The following LRMDA variants were observed in gnomAD, a reference collection of about 807,000 sequenced individuals.
LRMDA encodes leucine-rich melanocyte differentiation-associated protein.
A neutral mutation model predicts 29.8 loss-of-function variants in LRMDA; 18 were observed. That is an observed-to-expected ratio of 0.60 (90% CI 0.42 to 0.90). The LOEUF (loss-of-function observed/expected upper bound fraction) is 0.90. Ranked by LOEUF, LRMDA falls within the 40% of genes least tolerant of loss-of-function variation. The probability of loss-of-function intolerance (pLI) is 0.00; values close to 1 mark genes in which losing one functional copy is unlikely to be tolerated. For missense variants in LRMDA, 273 were observed against 273.9 expected, an observed-to-expected ratio of 1.00 and a Z score of 0.02; for synonymous variants, 125 against 109.4, an observed-to-expected ratio of 1.14 and a Z score of -0.89.
intron 6 of LRMDA, among the ~76,000 whole-genome samples, chr10:76,443,229 C>A (rs1842321623): frequency 6.6e-6 from 1 of 152,142 alleles, no homozygotes; most frequent in African/African-American, 2.4e-5. Flanking sequence ...CCAACATGAA[C>A]ATATTTGTTT....
intron 2 of LRMDA, among the ~76,000 whole-genome samples, chr10:75,836,128 G>A (rs1844431912): frequency 6.6e-6 from 1 of 152,166 alleles, no homozygotes. Flanking sequence ...TGTTCTCTAG[G>A]GTGGAAGTTA....
intron 4 of LRMDA, among the ~76,000 whole-genome samples, chr10:76,058,109 G>A (rs573996115): frequency 6.6e-6 from 1 of 152,270 alleles, no homozygotes; most frequent in South Asian, 2.1e-4. Flanking sequence ...AGCAAGTGTG[G>A]AAATAACCAC....
chr10:76,255,626 G>A (rs1264535912), intron 5 of LRMDA, among the ~76,000 whole-genome samples: 4 of 152,222 alleles, frequency 2.6e-5, no homozygotes, highest in South Asian at 2.1e-4. Context: ...AGAAGATGGA[G>A]TATGAACCAG....
chr10:75,641,193 G>A (rs565767731), intron 2 of LRMDA, among the ~76,000 whole-genome samples: 1 of 152,234 alleles, frequency 6.6e-6, no homozygotes, highest in African/African-American at 2.4e-5. Context: ...GCTTAAGGGA[G>A]GAGAAAGGGC....
intron 2 of LRMDA, among the ~76,000 whole-genome samples, chr10:75,984,912 C>G (rs950099254): frequency 6.6e-6 from 1 of 152,158 alleles, no homozygotes; most frequent in Non-Finnish European, 1.5e-5. Context: ...TGTCCAAGTC[C>G]AAGGCCTGAA....
intron 2 of LRMDA, among the ~76,000 whole-genome samples, chr10:75,572,209 C>T (rs1005280283): frequency 2.0e-5 from 3 of 152,172 alleles, no homozygotes; most frequent in African/African-American, 7.2e-5. Context: ...GCCTTGGCCT[C>T]CCAAAGTGCT....
rs76955894 is a variant in LRMDA, at chr10:76,109,409, T to C, written c.516+50626T>C. Among the ~76,000 whole-genome samples the C allele has an allele frequency of 2.4e-3, 365 of 152,352 alleles. 1 individual carries two copies. The highest frequency in any genetic ancestry group is 5.8e-3 in the African/African-American group (240 of 41,596). On this transcript the variant is annotated intron_variant, in intron 5 of 6. Coordinates refer to ENST00000611255, the MANE Select transcript of LRMDA (RefSeq NM_001305581.2). Reference sequence around the variant, plus strand: ...AAGGCTAGCTACTCCACCCATGTGATAGATGCCATCAATTTTTTCGTCCTC... The same window carrying C: ...AAGGCTAGCTACTCCACCCATGTGACAGATGCCATCAATTTTTTCGTCCTC...
At chr10:75,966,161 G>A (rs1357900054) in intron 2 of LRMDA, among the ~76,000 whole-genome samples, 1 of 152,168 alleles carries the variant, frequency 6.6e-6, no homozygotes, top group Non-Finnish European at 1.5e-5. Context: ...GTTTATCTGT[G>A]TATCAGCAAA....
intron 2 of LRMDA, among the ~76,000 whole-genome samples, chr10:75,906,978 G>GA (rs1845769931): frequency 6.6e-6 from 1 of 152,198 alleles, no homozygotes; most frequent in Non-Finnish European, 1.5e-5. Context: ...ACCAAGAGGG[G>GA]AAATTGTTCC....
chr10:75,835,763 C>G (rs1198835507), intron 2 of LRMDA, among the ~76,000 whole-genome samples: 1 of 152,174 alleles, frequency 6.6e-6, no homozygotes, highest in Non-Finnish European at 1.5e-5. Flanking sequence ...CTTCAGGACT[C>G]TCTACTGTTA....
intron 5 of LRMDA, among the ~76,000 whole-genome samples, chr10:76,069,823 C>T (rs1848847243): frequency 6.6e-6 from 1 of 152,036 alleles, no homozygotes; most frequent in South Asian, 2.1e-4. Context: ...TACTTTTGTT[C>T]TTGACACAAT....
At chr10:76,001,637 ATATTAT>A (rs1208241822) in intron 2 of LRMDA, among the ~76,000 whole-genome samples, 1 of 151,630 alleles carries the variant, frequency 6.6e-6, no homozygotes, top group Non-Finnish European at 1.5e-5. Flanking sequence ...TTCATTTATT[ATATTAT>A]TATTTATTTA....
In LRMDA at chr10:76,059,479, T is replaced by C. The variant is rs960647771; in HGVS notation, c.516+696T>C. Among the ~76,000 whole-genome samples, 30 of 152,188 alleles carry C rather than the reference T, an allele frequency of 2.0e-4. 2 individuals carry two copies. The highest frequency in any genetic ancestry group is 7.3e-5 in the Non-Finnish European group (5 of 68,030). On this transcript the variant is annotated intron_variant, in intron 5 of 6. Transcript: ENST00000611255. ...TTTAAGGACATGGATGACTATCTCT[T>C]TGGGAGGAGTTGGGAGTCCTTCAGT...
chr10:76,102,466 A>T (rs1440426595), intron 5 of LRMDA, among the ~76,000 whole-genome samples: 1 of 152,136 alleles, frequency 6.6e-6, no homozygotes. Context: ...GCTCGCATTT[A>T]TAAGTGAGAA....
chr10:76,001,695 C>T (rs1399418388), intron 2 of LRMDA, among the ~76,000 whole-genome samples: 1 of 151,786 alleles, frequency 6.6e-6, no homozygotes, highest in East Asian at 1.9e-4. Flanking sequence ...TTTTATTTCA[C>T]ATTTTAGAGC....
At chr10:75,659,077 C>A (rs1002543259) in intron 2 of LRMDA, among the ~76,000 whole-genome samples, 3 of 152,232 alleles carry the variant, frequency 2.0e-5, no homozygotes, top group African/African-American at 7.2e-5. Flanking sequence ...CAAACACAGA[C>A]CTGGCTCTTT....
In LRMDA at chr10:76,058,770, T is replaced by C; in HGVS notation, c.503T>C (p.Val168Ala). The part of the protein sequence containing the change: ...EALVRGVFMK[V>A]VKPKASSEDV... The stretch of plus-strand genomic sequence containing the variant: ...TTGGTCAGAGGAGTCTTCATGAAGG[T>C]GGTGAAGCCCAAGGTGAGCTGCCTA... The change falls in exon 5 of 7, where the codon GTG becomes GCG. Residue 168 changes from valine to alanine, a missense_variant. By Grantham distance (64) the Val-to-Ala change is moderately conservative. Coordinates refer to ENST00000611255, the MANE Select transcript of LRMDA (RefSeq NM_001305581.2). 1.9e-6 allele frequency: 3 copies of C among 1,613,310 alleles called. No homozygotes were observed. The highest frequency in any genetic ancestry group is 2.5e-6 in the Non-Finnish European group (3 of 1,179,320).
intron 2 of LRMDA, among the ~76,000 whole-genome samples, chr10:75,485,332 T>C (rs973103929): frequency 2.0e-5 from 3 of 152,170 alleles, no homozygotes; most frequent in African/African-American, 7.2e-5. Context: ...TTCTGCTCTT[T>C]TCCTTGATTT....
At chr10:75,651,307 C>T (rs1841596559) in intron 2 of LRMDA, among the ~76,000 whole-genome samples, 1 of 152,158 alleles carries the variant, frequency 6.6e-6, no homozygotes, top group Admixed American at 6.5e-5. Flanking sequence ...TGCTTCCATG[C>T]TCTAGGATCT....
Sources: gnomAD v4.1 joint callset for allele counts (sites outside exome capture counted in the v4.1 genomes callset) on GRCh38, gnomAD v4.1.1 for gene constraint, MANE v1.5 for transcripts, NCBI Gene and HGNC (gene_info 2026-07-23, HGNC 2026-07-21) for gene names.